Variants in CCDC30 observed in about 807,000 individuals in gnomAD.
The protein encoded by CCDC30 is coiled-coil domain containing 30, also known as coiled-coil domain-containing protein 30.
CCDC30 carries 70 observed loss-of-function variants against 100.2 expected under a neutral mutation model. The ratio of observed to expected loss-of-function variants is 0.70; its 90% CI spans 0.58 to 0.85. CCDC30 has a LOEUF of 0.85. Among genes scored for constraint, CCDC30 ranks in the 40% least tolerant of loss-of-function variants. CCDC30 has a pLI of 0.00. For missense variants in CCDC30, 652 were observed against 771.2 expected (o/e 0.85, Z 1.83); for synonymous variants, 233 against 269.5 (o/e 0.86, Z 1.33).
intron 6 of CCDC30, chr1:42,537,473 CT>C: frequency 5.7e-6 from 2 of 352,286 alleles, no homozygotes; most frequent in South Asian, 2.1e-5. Flanking sequence ...ACCTTCTTGC[CT>C]TTTTGTCTAA....
At chr1:42,631,882 C>G (rs1374629906) in intron 11 of CCDC30, among the ~76,000 whole-genome samples, 1 of 152,116 alleles carries the variant, frequency 6.6e-6, no homozygotes, top group Non-Finnish European at 1.5e-5. Context: ...ATAATGGGCT[C>G]CCTTCTGGCC....
At position 42,542,965 on chromosome 1, in the gene CCDC30, C is replaced by T. The variant is rs1426129674; in HGVS notation, c.457-23331C>T. The T allele has an allele frequency of 3.9e-5, 6 of 153,164 alleles. No individual in the cohort carries two copies. The East Asian group carries it at 9.6e-4, about 25-fold the overall frequency. The allele number at this position is 153,164 out of a possible 1,614,324, so 9.5% of individuals were successfully genotyped here. On this transcript the variant is annotated intron_variant, in intron 6 of 16. Transcript: ENST00000668663. ...AATGTTTACATTTTTACAATGACCACAAAGATTAGTGATTAAGTAGCATTT... is the reference window on the plus strand; with the variant it reads ...AATGTTTACATTTTTACAATGACCATAAAGATTAGTGATTAAGTAGCATTT...
intron 6 of CCDC30, chr1:42,534,909 GC>G (rs1261146234): frequency 4.6e-5 from 7 of 152,090 alleles, no homozygotes; most frequent in African/African-American, 1.7e-4. Flanking sequence ...CCATGTTAGA[GC>G]CTGAATTATC....
intron 6 of CCDC30, among the ~76,000 whole-genome samples, chr1:42,523,937 T>C (rs149607599): frequency 1.3e-3 from 202 of 152,306 alleles, no homozygotes; most frequent in Admixed American, 2.6e-3. Context: ...TTTTTGTTTC[T>C]TTTTAGGTTT....
At chr1:42,587,286 C>T (rs367603456) in intron 9 of CCDC30, among the ~76,000 whole-genome samples, 140 of 152,304 alleles carry the variant, frequency 9.2e-4, no homozygotes, top group African/African-American at 3.1e-3. Flanking sequence ...TGTGAGCCAC[C>T]ATGTCCAGCC....
At chr1:42,606,465 G>C (rs1209941658) in intron 10 of CCDC30, among the ~76,000 whole-genome samples, 1 of 151,994 alleles carries the variant, frequency 6.6e-6, no homozygotes, top group African/African-American at 2.4e-5. Context: ...TTTAGTAGAG[G>C]TGAGGTTTCA....
At chr1:42,481,201 A>G (rs1643951722) in intron 2 of CCDC30, among the ~76,000 whole-genome samples, 1 of 152,152 alleles carries the variant, frequency 6.6e-6, no homozygotes, top group Non-Finnish European at 1.5e-5. Context: ...GGAGGAAAAA[A>G]TCACTCATTT....
intron 6 of CCDC30, chr1:42,534,070 A>G (rs1234371678): frequency 6.6e-6 from 1 of 152,230 alleles, no homozygotes; most frequent in Admixed American, 6.5e-5. Context: ...TGGGCTCATT[A>G]AGTATATAAA....
intron 6 of CCDC30, among the ~76,000 whole-genome samples, chr1:42,525,868 C>CGTTT (rs1644716206): frequency 6.6e-6 from 1 of 152,138 alleles, no homozygotes; most frequent in Non-Finnish European, 1.5e-5. Flanking sequence ...AGAACTCAAA[C>CGTTT]ATCTCCCAAC....
intron 6 of CCDC30, among the ~76,000 whole-genome samples, chr1:42,559,931 A>T (rs535246884): frequency 3.9e-5 from 6 of 152,334 alleles, no homozygotes; most frequent in Admixed American, 2.6e-4. Flanking sequence ...CTGAAATCAT[A>T]ACAAATGGTC....
rs1570362207 is a variant in CCDC30, at chr1:42,652,375, G to A, written c.1855-1001G>A. Reference sequence around the variant, plus strand: ...GCAATGTTTCAGTTAGACCGGAGGAGTAAGTATTTGAGGTGATGGATATGT... The same window carrying A: ...GCAATGTTTCAGTTAGACCGGAGGAATAAGTATTTGAGGTGATGGATATGT... On this transcript the variant is annotated intron_variant, in intron 15 of 16. Coordinates refer to ENST00000668663, the Ensembl canonical transcript of CCDC30. 2.0e-5 allele frequency among the ~76,000 whole-genome samples: 3 copies of A among 152,294 alleles called. 1 individual carries two copies. The Middle Eastern group carries it at 0.01, about 518-fold the overall frequency.
chr1:42,644,611 A>T, intron 13 of CCDC30, 82 bp from the exon 18 acceptor site: 1 of 781,362 alleles, frequency 1.3e-6, no homozygotes, highest in South Asian at 1.5e-5. Flanking sequence ...ATCCGGGGCC[A>T]GTGGGAAGTG....
At chr1:42,633,779 T>A (rs527660875) in intron 11 of CCDC30, among the ~76,000 whole-genome samples, 1 of 152,092 alleles carries the variant, frequency 6.6e-6, no homozygotes, top group African/African-American at 2.4e-5. Flanking sequence ...CTGAGCATAG[T>A]TGTATTAGTC....
chr1:42,523,639 T>C (rs1644681361), intron 6 of CCDC30, among the ~76,000 whole-genome samples: 1 of 152,178 alleles, frequency 6.6e-6, no homozygotes, highest in Middle Eastern at 3.2e-3. Context: ...TTTCATCAAA[T>C]TTAGGAAGTT....
At chr1:42,566,327 A>G (rs61729288) in exon 7 of CCDC30, 16 of 1,613,664 alleles carry the variant, frequency 9.9e-6, no homozygotes, top group Admixed American at 1.7e-5. Context: ...CTAAAATACA[A>G]CCAGCAAGGG....
intron 4 of CCDC30, chr1:42,492,124 G>A (rs1644153390): frequency 1.1e-5 from 3 of 274,902 alleles, no homozygotes; most frequent in Non-Finnish European, 2.1e-5. Flanking sequence ...ACTACCGATG[G>A]TTATTTGTTT....
chr1:42,633,433 A>C (rs1647079777), intron 11 of CCDC30, among the ~76,000 whole-genome samples: 1 of 151,988 alleles, frequency 6.6e-6, no homozygotes, highest in Admixed American at 6.6e-5. Flanking sequence ...GGAAGCCCCA[A>C]CTCTCTAATC....
chr1:42,556,393 C>G, intron 6 of CCDC30: 1 of 1,608,790 alleles, frequency 6.2e-7, no homozygotes, highest in Non-Finnish European at 8.5e-7. Context: ...GTTCAGATGA[C>G]AGTGGTGCCC....
chr1:42,463,838 A>G (rs533920804), exon 1 of CCDC30: 4 of 152,240 alleles, frequency 2.6e-5, no homozygotes, highest in African/African-American at 9.6e-5. Context: ...CGTCATGCAG[A>G]ACCTTGAATC....
Sources: gnomAD v4.1 joint callset for allele counts (sites outside exome capture counted in the v4.1 genomes callset) on GRCh38, gnomAD v4.1.1 for gene constraint, MANE v1.5 for transcripts, NCBI Gene and HGNC (gene_info 2026-07-23, HGNC 2026-07-21) for gene names.